The following LRRC4C variants were observed in gnomAD, a reference collection of about 807,000 sequenced individuals.
The protein encoded by LRRC4C is leucine-rich repeat-containing protein 4C.
Under a neutral mutation model 33.6 loss-of-function variants are expected in LRRC4C, and 5 were observed. The ratio of observed to expected loss-of-function variants is 0.15; its 90% CI spans 0.08 to 0.31. LRRC4C has a LOEUF of 0.31. LRRC4C is among the 10% of genes least tolerant of loss of function. LRRC4C has a pLI of 1.00. For missense variants in LRRC4C, 560 were observed against 796.7 expected, an observed-to-expected ratio of 0.70 and a Z score of 3.58; for synonymous variants, 329 against 302.0, an observed-to-expected ratio of 1.09 and a Z score of -0.93.
intron 2 of LRRC4C, among the ~76,000 whole-genome samples, chr11:40,777,691 T>A (rs1950061190): frequency 6.6e-6 from 1 of 151,514 alleles, no homozygotes. Context: ...TTTTTATTTT[T>A]TTTATTTTTT....
chr11:40,285,488 C>G (rs1943775539), intron 4 of LRRC4C, among the ~76,000 whole-genome samples: 1 of 152,158 alleles, frequency 6.6e-6, no homozygotes, highest in South Asian at 2.1e-4. Context: ...TCTAACCTTA[C>G]TATTAGCATT....
chr11:40,725,307 C>T (rs2136717995), intron 2 of LRRC4C, among the ~76,000 whole-genome samples: 1 of 152,166 alleles, frequency 6.6e-6, no homozygotes, highest in South Asian at 2.1e-4. Context: ...GAGATCGAGA[C>T]CATCCTGGCC....
At chr11:41,343,147 T>G (rs1005680614) in intron 1 of LRRC4C, among the ~76,000 whole-genome samples, 1 of 152,198 alleles carries the variant, frequency 6.6e-6, no homozygotes, top group Non-Finnish European at 1.5e-5. Flanking sequence ...TAAAACCTTT[T>G]TCTAAGATGG....
intron 1 of LRRC4C, among the ~76,000 whole-genome samples, chr11:41,338,666 G>T (rs889407477): frequency 6.6e-6 from 1 of 152,030 alleles, no homozygotes; most frequent in Non-Finnish European, 1.5e-5. Context: ...TAACACGCCT[G>T]CATGTTCTGT....
At chr11:40,141,972 G>T (rs527910070) in intron 5 of LRRC4C, among the ~76,000 whole-genome samples, 2 of 152,166 alleles carry the variant, frequency 1.3e-5, no homozygotes, top group South Asian at 4.2e-4. Context: ...TGGATTTTCT[G>T]TCCATAGGTT....
intron 2 of LRRC4C, among the ~76,000 whole-genome samples, chr11:40,669,687 T>A (rs1182363804): frequency 6.6e-6 from 1 of 152,222 alleles, no homozygotes; most frequent in Non-Finnish European, 1.5e-5. Flanking sequence ...TCTAATGTCT[T>A]CAGACTGAGG....
At chr11:41,054,871 G>A (rs1858505248) in intron 1 of LRRC4C, among the ~76,000 whole-genome samples, 1 of 152,166 alleles carries the variant, frequency 6.6e-6, no homozygotes, top group African/African-American at 2.4e-5. Context: ...ATGAGAGCAT[G>A]TTGGAAGGAG....
chr11:40,505,773 T>A (rs1167230584), intron 3 of LRRC4C, among the ~76,000 whole-genome samples: 1 of 152,278 alleles, frequency 6.6e-6, no homozygotes, highest in Non-Finnish European at 1.5e-5. Context: ...AAAGAGGAAA[T>A]GGGAGCTCGA....
intron 2 of LRRC4C, among the ~76,000 whole-genome samples, chr11:40,855,496 C>G (rs2135783664): frequency 6.6e-6 from 1 of 152,200 alleles, no homozygotes; most frequent in African/African-American, 2.4e-5. Context: ...TATGTTTTGT[C>G]TTACTTGGAG....
At position 41,207,683 on chromosome 11, in the gene LRRC4C, A is replaced by C. The variant is rs535475036; in HGVS notation, c.-496+251748T>G. 9.0e-4 allele frequency among the ~76,000 whole-genome samples: 137 copies of C among 152,290 alleles called. 2 individuals are homozygous for C. The highest frequency in any genetic ancestry group is 1.0e-4 in the Non-Finnish European group (7 of 68,036). ...AAAGGCCCTGTGTGAAAACACCTGG[A>C]AGACAGCAAGCCAAGAAGTGAGGCT... On this transcript the variant is annotated intron_variant, in intron 1 of 6. Coordinates refer to ENST00000528697, the MANE Select transcript of LRRC4C (RefSeq NM_001258419.2).
chr11:40,440,866 A>ATTTTT (rs58954858), intron 3 of LRRC4C, among the ~76,000 whole-genome samples: 1 of 148,874 alleles, frequency 6.7e-6, no homozygotes, highest in Non-Finnish European at 1.5e-5. Flanking sequence ...CCAGTAGGGA[A>ATTTTT]TTTTTTTTTT....
At chr11:41,450,125 C>T (rs1270304792) in intron 1 of LRRC4C, among the ~76,000 whole-genome samples, 1 of 152,106 alleles carries the variant, frequency 6.6e-6, no homozygotes, top group East Asian at 1.9e-4. Flanking sequence ...AGTGCCATTC[C>T]ATTCTGAGCT....
At chr11:40,492,105 GA>G (rs1255866855) in intron 3 of LRRC4C, among the ~76,000 whole-genome samples, 1 of 152,172 alleles carries the variant, frequency 6.6e-6, no homozygotes, top group Non-Finnish European at 1.5e-5. Flanking sequence ...TACAAAATAA[GA>G]GGTTAGTAAG....
intron 1 of LRRC4C, among the ~76,000 whole-genome samples, chr11:41,384,390 A>G (rs185858390): frequency 7.9e-5 from 12 of 151,970 alleles, no homozygotes; most frequent in Admixed American, 3.9e-4. Context: ...CATCAGACTC[A>G]ATACTTCATA....
At chr11:40,528,209 C>T (rs2135286389) in intron 3 of LRRC4C, among the ~76,000 whole-genome samples, 1 of 151,930 alleles carries the variant, frequency 6.6e-6, no homozygotes, top group Middle Eastern at 3.4e-3. Context: ...AAGCTCTGCA[C>T]AGTAAAGGAA....
At chr11:40,964,818 C>T (rs1851226887) in intron 1 of LRRC4C, among the ~76,000 whole-genome samples, 1 of 151,754 alleles carries the variant, frequency 6.6e-6, no homozygotes, top group Non-Finnish European at 1.5e-5. Context: ...GTGAATAGTG[C>T]CACAATAAAC....
chr11:40,901,663 G>A (rs1956205492), intron 2 of LRRC4C, among the ~76,000 whole-genome samples: 1 of 151,906 alleles, frequency 6.6e-6, no homozygotes, highest in African/African-American at 2.4e-5. Flanking sequence ...TCAGAATACA[G>A]GGATAAAATG....
chr11:40,654,458 T>C (rs1477483390), intron 2 of LRRC4C, among the ~76,000 whole-genome samples: 2 of 152,144 alleles, frequency 1.3e-5, no homozygotes, highest in African/African-American at 4.8e-5. Context: ...AAGTTTAAGG[T>C]TTAATTCCTG....
At chr11:40,337,725 C>G (rs1166344325) in intron 3 of LRRC4C, among the ~76,000 whole-genome samples, 2 of 152,148 alleles carry the variant, frequency 1.3e-5, no homozygotes, top group African/African-American at 4.8e-5. Context: ...ATGTGTGTTA[C>G]ATAGGTAAAC....
Sources: gnomAD v4.1 joint callset for allele counts (sites outside exome capture counted in the v4.1 genomes callset) on GRCh38, gnomAD v4.1.1 for gene constraint, MANE v1.5 for transcripts, NCBI Gene and HGNC (gene_info 2026-07-23, HGNC 2026-07-21) for gene names.